The following ACACA variants were observed in gnomAD, a reference collection of about 807,000 sequenced individuals.
ACACA encodes acetyl-CoA carboxylase alpha, also known as acetyl-CoA carboxylase 1.
A neutral mutation model predicts 296.1 loss-of-function variants in ACACA; 103 were observed. The ratio of observed to expected loss-of-function variants is 0.35; its 90% CI spans 0.30 to 0.41. ACACA has a LOEUF of 0.41. Ranked by LOEUF, ACACA falls within the 10% of genes least tolerant of loss-of-function variation. The pLI is 1.00. For synonymous variants in ACACA, 953 were observed against 1,038.6 expected (o/e 0.92, Z 1.58); for missense variants, 1,554 against 2,989.7 (o/e 0.52, Z 11.20).
chr17:37,313,932 G>A (rs188123303), intron 3 of ACACA, among the ~76,000 whole-genome samples: 7 of 152,088 alleles, frequency 4.6e-5, no homozygotes, highest in African/African-American at 1.2e-4. Flanking sequence ...TATTCACAAT[G>A]GCCAAGATTT....
chr17:37,365,337 A>G, intron 1 of ACACA: 6 of 561,892 alleles, frequency 1.1e-5, no homozygotes, highest in Non-Finnish European at 1.4e-5. Context: ...CTGAAGGCAG[A>G]GACCATCTCT....
intron 45 of ACACA, among the ~76,000 whole-genome samples, chr17:37,133,893 C>A (rs1371209541): frequency 2.0e-5 from 3 of 152,164 alleles, no homozygotes; most frequent in Non-Finnish European, 2.9e-5. Flanking sequence ...ATGGGCTCCA[C>A]CTTGGGGTCC....
At position 37,359,536 on chromosome 17, in the gene ACACA, G is replaced by A. The variant is rs1356539738; in HGVS notation, c.39-19686C>T. Among the ~76,000 whole-genome samples the A allele has an allele frequency of 3.3e-5, 5 of 152,168 alleles. 1 individual carries two copies. In the South Asian group the frequency reaches 8.3e-4, roughly 25 times the overall value. ...CCTCGGCTCCTCCTCCTGGCGGAGA[G>A]GGGAGTGGGGGAAGCGGTCCCGCAT... On this transcript the variant is annotated intron_variant, in intron 1 of 55. Transcript: ENST00000616317.
rs200591761 is a variant in ACACA, at chr17:37,305,904, G to GT, written c.339-20935dup. Reference sequence around the variant, plus strand: ...CGGAATTTTAGCAGTTTTTTTTTTTGTTTTTTTTTTTTTTTTTTTTTTGAG... The same window carrying GT: ...CGGAATTTTAGCAGTTTTTTTTTTTGTTTTTTTTTTTTTTTTTTTTTTTGAG... On this transcript the variant is annotated intron_variant, in intron 3 of 55. Transcript: ENST00000616317. Among the ~76,000 whole-genome samples the GT allele has an allele frequency of 4.5e-3, 430 of 95,656 alleles. 7 individuals carry two copies. The highest frequency in any genetic ancestry group is 7.0e-3 in the Non-Finnish European group (319 of 45,482). 62.8% of individuals were successfully genotyped at this position (95,656 alleles called of 152,430 possible).
At chr17:37,196,792 C>A (rs1418654914) in intron 35 of ACACA, among the ~76,000 whole-genome samples, 1 of 152,056 alleles carries the variant, frequency 6.6e-6, no homozygotes, top group Non-Finnish European at 1.5e-5. Flanking sequence ...ATTCAAGAAG[C>A]CTCTTTTCCA....
At chr17:37,336,442 C>T (rs931271057) in intron 2 of ACACA, among the ~76,000 whole-genome samples, 5 of 152,184 alleles carry the variant, frequency 3.3e-5, no homozygotes, top group South Asian at 2.1e-4. Context: ...CTTTAAACAC[C>T]GGGCTTGCAA....
chr17:37,250,780 C>T (rs2080950252), intron 16 of ACACA, among the ~76,000 whole-genome samples: 2 of 152,012 alleles, frequency 1.3e-5, no homozygotes, highest in South Asian at 4.2e-4. Context: ...AATCCCAGCA[C>T]TTTGGGAGGC....
At chr17:37,264,131 C>A (rs1306768572) in intron 10 of ACACA, among the ~76,000 whole-genome samples, 1 of 152,142 alleles carries the variant, frequency 6.6e-6, no homozygotes, top group Non-Finnish European at 1.5e-5. Flanking sequence ...ATACGAACAT[C>A]TGGTGCATCA....
In ACACA at chr17:37,135,429, A is replaced by G. The variant is rs144540874; in HGVS notation, c.5680-5211T>C. On this transcript the variant is annotated intron_variant, in intron 45 of 55. Transcript: ENST00000616317. Reference sequence around the variant, plus strand: ...GGCTCGGTGACATACTGTGGGCAGAAGAGAGAAAAGCCTCTGACATGAGCC... The same window carrying G: ...GGCTCGGTGACATACTGTGGGCAGAGGAGAGAAAAGCCTCTGACATGAGCC... 3.0e-3 allele frequency among the ~76,000 whole-genome samples: 464 copies of G among 152,338 alleles called. 3 individuals carry two copies. In the South Asian group the frequency reaches 0.033, roughly 11 times the overall value.
intron 45 of ACACA, among the ~76,000 whole-genome samples, chr17:37,146,322 T>C (rs2075804852): frequency 6.6e-6 from 1 of 151,988 alleles, no homozygotes; most frequent in African/African-American, 2.4e-5. Flanking sequence ...TTCAGCTTCA[T>C]ATCTATTAAA....
chr17:37,092,722 C>T (rs2072731528), intron 54 of ACACA, among the ~76,000 whole-genome samples: 2 of 152,180 alleles, frequency 1.3e-5, no homozygotes, highest in South Asian at 2.1e-4. Context: ...AATAACTCAC[C>T]TTGGGAGCTG....
At chr17:37,291,321 C>T (rs1476593367) in intron 3 of ACACA, among the ~76,000 whole-genome samples, 1 of 151,878 alleles carries the variant, frequency 6.6e-6, no homozygotes, top group African/African-American at 2.4e-5. Context: ...GGATTACAGG[C>T]ATGCGCCACC....
At chr17:37,354,297 C>T (rs1158449014) in intron 1 of ACACA, among the ~76,000 whole-genome samples, 2 of 152,158 alleles carry the variant, frequency 1.3e-5, no homozygotes, top group Non-Finnish European at 2.9e-5. Flanking sequence ...CATCGAAAGG[C>T]AAGACCAACT....
At chr17:37,345,089 T>C (rs1183485178) in intron 1 of ACACA, among the ~76,000 whole-genome samples, 1 of 152,166 alleles carries the variant, frequency 6.6e-6, no homozygotes, top group Non-Finnish European at 1.5e-5. Flanking sequence ...AGAGGATCCT[T>C]CTTGCCCAGG....
chr17:37,281,888 G>A (rs556395841), intron 5 of ACACA, among the ~76,000 whole-genome samples: 8 of 152,140 alleles, frequency 5.3e-5, no homozygotes, highest in African/African-American at 9.6e-5. Flanking sequence ...AAAAAACCAC[G>A]CAAGTTAATC....
chr17:37,257,985 G>T (rs1211691798), intron 13 of ACACA, 119 bp from the exon 14 acceptor site: 3 of 1,369,702 alleles, frequency 2.2e-6, no homozygotes, highest in East Asian at 4.8e-5. Flanking sequence ...ACACAAAAAT[G>T]ATAAAGGCCA....
rs566439362 is a variant in ACACA at position 37,379,745 on chromosome 17, G to C, written c.38+26517C>G. The stretch of plus-strand genomic sequence containing the variant: ...ATGAGATACCATCTCACACCAGTTA[G>C]AATGGCAATCATTAAAAAGTCAGGA... On this transcript the variant is annotated intron_variant, in intron 1 of 55. Transcript: ENST00000616317. Among the ~76,000 whole-genome samples the C allele has an allele frequency of 1.3e-4, 20 of 150,896 alleles. 1 individual carries two copies. In the South Asian group the frequency reaches 4.2e-3, roughly 32 times the overall value.
intron 1 of ACACA, chr17:37,359,197 A>T: frequency 1.1e-6 from 1 of 937,706 alleles, no homozygotes; most frequent in Non-Finnish European, 1.3e-6. Flanking sequence ...TCAGCCGGCG[A>T]GCTCCATGAG....
intron 41 of ACACA, among the ~76,000 whole-genome samples, chr17:37,170,562 G>A (rs930799558): frequency 6.6e-6 from 1 of 152,110 alleles, no homozygotes; most frequent in African/African-American, 2.4e-5. Flanking sequence ...ATTCTGCCCT[G>A]AGATGTCATT....
Sources: gnomAD v4.1 joint callset for allele counts (sites outside exome capture counted in the v4.1 genomes callset) on GRCh38, gnomAD v4.1.1 for gene constraint, MANE v1.5 for transcripts, NCBI Gene and HGNC (gene_info 2026-07-23, HGNC 2026-07-21) for gene names.